TMC1: variants seen among roughly 807,000 people sequenced by gnomAD.
The protein encoded by TMC1 is transmembrane channel-like protein 1.
In TMC1, 84 loss-of-function variants were observed where a neutral mutation model predicts 105.8. The observed-to-expected ratio is 0.79, with a 90% CI of 0.67 to 0.95. TMC1 has a LOEUF of 0.95. TMC1 is among the 40% of genes least tolerant of loss of function. TMC1 has a pLI of 0.00. For missense variants in TMC1, 817 were observed against 914.1 expected, an observed-to-expected ratio of 0.89 and a Z score of 1.37; for synonymous variants, 315 against 311.5, an observed-to-expected ratio of 1.01 and a Z score of -0.12.
chr9:72,673,937 A>G (rs1826163710), intron 5 of TMC1, among the ~76,000 whole-genome samples: 1 of 152,170 alleles, frequency 6.6e-6, no homozygotes, highest in Non-Finnish European at 1.5e-5. Context: ...GTGCTACTCT[A>G]TCCAAAACCA....
chr9:72,803,602 A>G (rs1828517407), intron 17 of TMC1, among the ~76,000 whole-genome samples: 1 of 152,210 alleles, frequency 6.6e-6, no homozygotes, highest in South Asian at 2.1e-4. Context: ...CAAAGAAGAG[A>G]TTCACGTGGC....
intron 5 of TMC1, among the ~76,000 whole-genome samples, chr9:72,670,086 A>T (rs1313290498): frequency 1.3e-5 from 2 of 152,190 alleles, no homozygotes; most frequent in African/African-American, 4.8e-5. Context: ...AGTTCCAGAG[A>T]AAAGAAAACT....
intron 13 of TMC1, among the ~76,000 whole-genome samples, chr9:72,782,918 T>C (rs1411120039): frequency 6.6e-6 from 1 of 152,080 alleles, no homozygotes; most frequent in East Asian, 1.9e-4. Flanking sequence ...TAACAGTTTT[T>C]AGAGTTAGAA....
At chr9:72,740,596 G>A (rs1457037076) in intron 9 of TMC1, among the ~76,000 whole-genome samples, 1 of 152,020 alleles carries the variant, frequency 6.6e-6, no homozygotes, top group African/African-American at 2.4e-5. Context: ...ACATTGGACA[G>A]AAAATAAGAA....
intron 8 of TMC1, among the ~76,000 whole-genome samples, chr9:72,724,384 C>T (rs1827081035): frequency 6.6e-6 from 1 of 152,098 alleles, no homozygotes; most frequent in African/African-American, 2.4e-5. Context: ...TGATACTAGC[C>T]CACTCTCATG....
At chr9:72,804,881 G>A (rs986960014) in intron 17 of TMC1, among the ~76,000 whole-genome samples, 1 of 152,052 alleles carries the variant, frequency 6.6e-6, no homozygotes, top group Non-Finnish European at 1.5e-5. Context: ...CAATTTTAAC[G>A]GACCGTTTGT....
At chr9:72,640,254 A>G (rs957501904) in intron 4 of TMC1, among the ~76,000 whole-genome samples, 1 of 152,174 alleles carries the variant, frequency 6.6e-6, no homozygotes, top group Non-Finnish European at 1.5e-5. Context: ...TTTAATATCT[A>G]TTGTTCCAGT....
At chr9:72,774,740 A>G (rs1410604047) in intron 13 of TMC1, among the ~76,000 whole-genome samples, 1 of 152,152 alleles carries the variant, frequency 6.6e-6, no homozygotes, top group Non-Finnish European at 1.5e-5. Flanking sequence ...CTCAAAAACA[A>G]TACACCACTC....
At chr9:72,577,692 T>A (rs966757387) in intron 1 of TMC1, 5 of 152,100 alleles carry the variant, frequency 3.3e-5, no homozygotes, top group Admixed American at 1.3e-4. Flanking sequence ...GTTTTTTTTT[T>A]AGTATCCGGC....
intron 4 of TMC1, among the ~76,000 whole-genome samples, chr9:72,641,707 G>A (rs1414047931): frequency 2.7e-5 from 4 of 148,912 alleles, no homozygotes; most frequent in Admixed American, 6.8e-5. Flanking sequence ...GATCTCCTTC[G>A]TTTTCTTTCC....
intron 1 of TMC1, among the ~76,000 whole-genome samples, chr9:72,564,755 C>T (rs1423092766): frequency 6.6e-6 from 1 of 152,206 alleles, no homozygotes; most frequent in Non-Finnish European, 1.5e-5. Flanking sequence ...CACTCCAGCT[C>T]TCTCTAGAAG....
intron 12 of TMC1, among the ~76,000 whole-genome samples, chr9:72,760,508 C>G (rs1827739542): frequency 6.6e-6 from 1 of 152,040 alleles, no homozygotes; most frequent in South Asian, 2.1e-4. Flanking sequence ...CTATCATTAT[C>G]TAGGTAGAGT....
Position 72,830,549 on chromosome 9 carries a change from A to G in TMC1, c.2208+20A>G. On this transcript the variant is annotated intron_variant, in intron 22 of 23. Coordinates refer to ENST00000297784, the MANE Select transcript of TMC1 (RefSeq NM_138691.3). The stretch of plus-strand genomic sequence containing the variant: ...AAAATGGTATGATACAATTTATTTC[A>G]TAGAAATATTATCTTTATTAATGTC... 1 of 1,605,240 alleles carries G rather than the reference A, an allele frequency of 6.2e-7. No homozygotes were observed. The highest frequency in any genetic ancestry group is 1.1e-5 in the South Asian group (1 of 90,784).
chr9:72,681,347 C>A (rs1371400085), intron 5 of TMC1, among the ~76,000 whole-genome samples: 1 of 151,940 alleles, frequency 6.6e-6, no homozygotes, highest in African/African-American at 2.4e-5. Context: ...ACAGAGGGCT[C>A]TAAATGTCTT....
At chr9:72,780,876 T>A (rs1338070052) in intron 13 of TMC1, among the ~76,000 whole-genome samples, 1 of 152,162 alleles carries the variant, frequency 6.6e-6, no homozygotes, top group African/African-American at 2.4e-5. Flanking sequence ...GCAAGAGAGT[T>A]CTGCACCTTA....
intron 1 of TMC1, among the ~76,000 whole-genome samples, chr9:72,529,810 A>T (rs1253894402): frequency 2.0e-5 from 3 of 152,142 alleles, no homozygotes; most frequent in Non-Finnish European, 2.9e-5. Context: ...TCAAATTATG[A>T]GACTAAACCA....
At chr9:72,538,669 C>T (rs1823626831) in intron 1 of TMC1, among the ~76,000 whole-genome samples, 1 of 152,106 alleles carries the variant, frequency 6.6e-6, no homozygotes, top group South Asian at 2.1e-4. Flanking sequence ...GAACTCTTGA[C>T]CTCAAGTGAT....
At chr9:72,687,967 T>C (rs762400626) in intron 5 of TMC1, among the ~76,000 whole-genome samples, 2 of 152,142 alleles carry the variant, frequency 1.3e-5, no homozygotes, top group Non-Finnish European at 2.9e-5. Flanking sequence ...CCAATAAATA[T>C]ATTTTTTCAT....
At chr9:72,706,489 T>C (rs896971027) in intron 8 of TMC1, among the ~76,000 whole-genome samples, 3 of 152,168 alleles carry the variant, frequency 2.0e-5, no homozygotes, top group Admixed American at 2.0e-4. Context: ...TAAGTTCTTC[T>C]GTGATGATTT....
Sources: gnomAD v4.1 joint callset for allele counts (sites outside exome capture counted in the v4.1 genomes callset) on GRCh38, gnomAD v4.1.1 for gene constraint, MANE v1.5 for transcripts, NCBI Gene and HGNC (gene_info 2026-07-23, HGNC 2026-07-21) for gene names.